The following ATG14 variants were observed in gnomAD, a reference collection of about 807,000 sequenced individuals.
The protein encoded by ATG14 is beclin 1-associated autophagy-related key regulator.
Under a neutral mutation model 60.4 loss-of-function variants are expected in ATG14, and 35 were observed. The observed-to-expected ratio is 0.58, with a 90% CI of 0.44 to 0.77. ATG14 has a LOEUF of 0.77. ATG14 is among the 30% of genes least tolerant of loss of function. ATG14 has a pLI of 0.00. For synonymous variants in ATG14, 234 were observed against 228.8 expected (o/e 1.02, Z -0.21); for missense variants, 647 against 626.3 (o/e 1.03, Z -0.35).
Position 55,375,487 on chromosome 14 carries a change from T to TA in ATG14, c.1172+2331dup, listed in dbSNP as rs148549939. On this transcript the variant is annotated intron_variant, in intron 9 of 9. Transcript: ENST00000247178. ...ACAGGCATGCATTACCACGCCGGGC[T>TA]AAATTTTTTTTTTTTTTTTTTTTTT... is the stretch of plus-strand genomic sequence containing the variant. 1.1e-3 allele frequency among the ~76,000 whole-genome samples: 104 copies of TA among 96,622 alleles called. 8 individuals carry two copies. The highest frequency in any genetic ancestry group is 1.7e-3 in the South Asian group (5 of 2,918). 63.4% of individuals were successfully genotyped at this position (96,622 alleles called of 152,430 possible).
chr14:55,377,415 A>G (rs1407148139), intron 9 of ATG14, among the ~76,000 whole-genome samples: 1 of 152,168 alleles, frequency 6.6e-6, no homozygotes, highest in Non-Finnish European at 1.5e-5. Flanking sequence ...GAAAATGTGC[A>G]GGAAACAGGG....
chr14:55,382,088 C>T lies in ATG14; in HGVS notation c.751G>A (p.Val251Ile). The change falls in exon 6 of 10, where the codon GTC becomes ATC. Residue 251 changes from valine to isoleucine, a missense_variant. Transcript: ENST00000247178. ...GTGTCTCCGTTGTGATCGTCACAGA[C>T]CCATCGTCCTGAGAGGTAAGTTGTC... ...RRTTYLSGRW[V>I]CDDHNGDTSI... 6.2e-7 allele frequency: 1 copy of T among 1,614,150 alleles called. No individual in the cohort carries two copies. The highest frequency in any genetic ancestry group is 8.5e-7 in the Non-Finnish European group (1 of 1,180,026).
chr14:55,372,919 C>T (rs1440835631), intron 9 of ATG14, among the ~76,000 whole-genome samples: 2 of 152,138 alleles, frequency 1.3e-5, no homozygotes, highest in Admixed American at 6.6e-5. Flanking sequence ...CAATGAAAAG[C>T]GACTGAATGG....
In ATG14 at chr14:55,407,298, T is replaced by G. The variant is rs1317191513; in HGVS notation, c.221+4304A>C. On this transcript the variant is annotated intron_variant, in intron 1 of 9. Coordinates refer to ENST00000247178, the MANE Select transcript of ATG14 (RefSeq NM_014924.5). ...CATGCGTGCCACCACGCCCAGCTAA[T>G]TTTTGTATTTTGACTAGAGACGAGG... Among the ~76,000 whole-genome samples, 5 of 152,196 alleles carry G rather than the reference T, an allele frequency of 3.3e-5. No individual in the cohort carries two copies. The East Asian group carries it at 9.6e-4, about 29-fold the overall frequency.
At chr14:55,371,465 C>T (rs1017664104) in intron 9 of ATG14, among the ~76,000 whole-genome samples, 1 of 152,080 alleles carries the variant, frequency 6.6e-6, no homozygotes, top group African/African-American at 2.4e-5. Flanking sequence ...TTGGAAGATA[C>T]GCCATGGGGT....
intron 9 of ATG14, among the ~76,000 whole-genome samples, chr14:55,371,119 AGATAAGCACAC>A (rs1242328147): frequency 6.6e-6 from 1 of 152,216 alleles, no homozygotes; most frequent in Non-Finnish European, 1.5e-5. Context: ...GCTGCCCCCA[AGATAAGCACAC>A]GATGCCTTGG....
In ATG14 at chr14:55,368,051, T is replaced by G. The variant is rs999311346; in HGVS notation, c.*1568A>C. The G allele has an allele frequency of 2.0e-5, 3 of 152,656 alleles. No individual in the cohort carries two copies. The highest frequency in any genetic ancestry group is 7.2e-5 in the African/African-American group (3 of 41,458). The allele number at this position is 152,656 out of a possible 1,614,324, so 9.5% of individuals were successfully genotyped here. ...ATATGGTAATAATGCCTGTTAGGAC[T>G]CTTTCATAGGATTTCTTTTGGTAGT... is the stretch of plus-strand genomic sequence containing the variant. On this transcript the variant is annotated 3_prime_UTR_variant, in exon 10 of 10. Coordinates refer to ENST00000247178, the MANE Select transcript of ATG14 (RefSeq NM_014924.5).
intron 1 of ATG14, among the ~76,000 whole-genome samples, chr14:55,409,086 G>A (rs1038047963): frequency 3.9e-5 from 6 of 152,198 alleles, no homozygotes; most frequent in African/African-American, 1.2e-4. Flanking sequence ...AGATCACTAC[G>A]TAGTCAGGAG....
chr14:55,396,484 T>C (rs950875880), intron 2 of ATG14, among the ~76,000 whole-genome samples: 1 of 152,236 alleles, frequency 6.6e-6, no homozygotes, highest in Non-Finnish European at 1.5e-5. Flanking sequence ...TTTAAATTGC[T>C]CATGAATGTG....
chr14:55,407,467 G>A (rs1471895326), intron 1 of ATG14, among the ~76,000 whole-genome samples: 3 of 151,922 alleles, frequency 2.0e-5, no homozygotes, highest in African/African-American at 7.3e-5. Context: ...GTTTCATCAT[G>A]TTGGCCAGGC....
At chr14:55,374,655 AT>A (rs1170260736) in intron 9 of ATG14, among the ~76,000 whole-genome samples, 2 of 151,946 alleles carry the variant, frequency 1.3e-5, no homozygotes, top group South Asian at 2.1e-4. Flanking sequence ...TTATAGCTGT[AT>A]TTTTTTAAAT....
At chr14:55,378,653 G>A (rs1484303561) in intron 7 of ATG14, among the ~76,000 whole-genome samples, 1 of 151,456 alleles carries the variant, frequency 6.6e-6, no homozygotes, top group Non-Finnish European at 1.5e-5. Flanking sequence ...TCACACACCT[G>A]CCCACTCAAA....
rs369641361 is a variant in ATG14 at position 55,397,369 on chromosome 14, C to T, written c.284+3G>A. ...AAATTAAAAGACAAAACAAAACACT[C>T]ACTCTTTCTGAAATTCTTCTTGCTT... On this transcript the variant is annotated splice_donor_region_variant and intron_variant, in intron 2 of 9. Transcript: ENST00000247178. The T allele has an allele frequency of 1.9e-6, 3 of 1,612,462 alleles. No individual in the cohort carries two copies. The highest frequency in any genetic ancestry group is 2.7e-5 in the African/African-American group (2 of 74,922).
At chr14:55,387,716 C>T (rs1221316169) in intron 4 of ATG14, among the ~76,000 whole-genome samples, 1 of 152,074 alleles carries the variant, frequency 6.6e-6, no homozygotes, top group Non-Finnish European at 1.5e-5. Flanking sequence ...GTTGCCCAGG[C>T]TGGAATGCAG....
rs56791236 is a variant in ATG14 at position 55,410,920 on chromosome 14, G to GCT, written c.221+680_221+681dup. On this transcript the variant is annotated intron_variant, in intron 1 of 9. Transcript: ENST00000247178. The stretch of plus-strand genomic sequence containing the variant: ...CAATTTTCTTAACCAAGAACTTGTA[G>GCT]CTGTTTAGATTTCGAAATGAAACCA... 6.0e-4 allele frequency among the ~76,000 whole-genome samples: 91 copies of GCT among 151,974 alleles called. 2 individuals carry two copies. In the Middle Eastern group the frequency reaches 0.014, roughly 23 times the overall value.
chr14:55,388,733 C>T (rs923686106), intron 4 of ATG14, among the ~76,000 whole-genome samples: 2 of 152,134 alleles, frequency 1.3e-5, no homozygotes, highest in Admixed American at 6.6e-5. Context: ...AGTTTCTGGC[C>T]TCTAAAATTG....
At chr14:55,394,491 A>T (rs1013076737) in intron 3 of ATG14, among the ~76,000 whole-genome samples, 6 of 152,202 alleles carry the variant, frequency 3.9e-5, no homozygotes, top group Admixed American at 3.9e-4. Flanking sequence ...TTATAAAGTC[A>T]TCAAGTACCA....
chr14:55,385,761 G>T, intron 5 of ATG14, 98 bp downstream of exon 5: 1 of 1,040,994 alleles, frequency 9.6e-7, no homozygotes, highest in South Asian at 1.6e-5. Flanking sequence ...GAAAACCAAT[G>T]ACCCTAGAAT....
intron 1 of ATG14, among the ~76,000 whole-genome samples, chr14:55,405,812 A>G (rs1885479305): frequency 6.6e-6 from 1 of 151,576 alleles, no homozygotes; most frequent in Non-Finnish European, 1.5e-5. Context: ...AAGGAAGCAT[A>G]CAGTTTAAAA....
Sources: gnomAD v4.1 joint callset for allele counts (sites outside exome capture counted in the v4.1 genomes callset) on GRCh38, gnomAD v4.1.1 for gene constraint, MANE v1.5 for transcripts, NCBI Gene and HGNC (gene_info 2026-07-23, HGNC 2026-07-21) for gene names.